The following PDE4D variants were observed in gnomAD, a reference collection of about 807,000 sequenced individuals.
PDE4D encodes the protein 3',5'-cyclic-AMP phosphodiesterase 4D.
Under a neutral mutation model 87.4 loss-of-function variants are expected in PDE4D, and 24 were observed. That is an observed-to-expected ratio of 0.27 (90% confidence interval 0.20 to 0.39). The LOEUF is 0.39. PDE4D is among the 10% of genes least tolerant of loss of function. The pLI, the probability that PDE4D is intolerant of heterozygous loss-of-function variation, is 1.00. For missense variants in PDE4D, 714 were observed against 1,041.0 expected, an observed-to-expected ratio of 0.69 and a Z score of 4.32; for synonymous variants, 384 against 383.2, an observed-to-expected ratio of 1.00 and a Z score of -0.02.
chr5:59,174,472 C>A (rs190480169), intron 5 of PDE4D: 8 of 152,712 alleles, frequency 5.2e-5, no homozygotes, highest in Admixed American at 5.2e-4. Context: ...TTTCACCGCT[C>A]CTGTAGAAGA....
At chr5:60,196,808 T>C (rs1741267508) in intron 1 of PDE4D, among the ~76,000 whole-genome samples, 1 of 151,628 alleles carries the variant, frequency 6.6e-6, no homozygotes, top group Non-Finnish European at 1.5e-5. Context: ...TTAATGTTTT[T>C]TTGTCCCATA....
At chr5:59,350,487 AC>A (rs1455151309) in intron 1 of PDE4D, among the ~76,000 whole-genome samples, 2 of 151,998 alleles carry the variant, frequency 1.3e-5, no homozygotes, top group African/African-American at 4.8e-5. Flanking sequence ...TTCAGCTCTA[AC>A]CCCCTCTTCC....
At chr5:60,481,309 A>AT (rs1305236175) in intron 1 of PDE4D, among the ~76,000 whole-genome samples, 1 of 152,072 alleles carries the variant, frequency 6.6e-6, no homozygotes, top group South Asian at 2.1e-4. Flanking sequence ...ATTTGGAGAG[A>AT]TTTTTTAAAT....
chr5:60,505,300 G>A (rs1197936816), intron 1 of PDE4D, among the ~76,000 whole-genome samples: 2 of 152,184 alleles, frequency 1.3e-5, no homozygotes, highest in Admixed American at 6.5e-5. Flanking sequence ...CAATTTGCAT[G>A]TTTGTTTCCA....
chr5:59,972,165 A>T (rs570618242), intron 3 of PDE4D, among the ~76,000 whole-genome samples: 8 of 152,278 alleles, frequency 5.3e-5, no homozygotes, highest in Admixed American at 5.2e-4. Flanking sequence ...GACTACATTG[A>T]GGTTATAGAC....
rs369975856 is a variant in PDE4D, at chr5:59,427,969, C to A, written c.456-212001G>T. Among the ~76,000 whole-genome samples the A allele has an allele frequency of 4.6e-5, 7 of 152,150 alleles. No homozygotes were observed. The East Asian group carries it at 1.3e-3, about 29-fold the overall frequency. On this transcript the variant is annotated intron_variant, in intron 1 of 14. Transcript: ENST00000340635. ...AATTAAAAGGAAAACATTTTTAAAT[C>A]GCAAATATAGAAAGTAATTATAATC...
At chr5:60,374,938 T>G (rs1761320800) in intron 1 of PDE4D, among the ~76,000 whole-genome samples, 1 of 152,166 alleles carries the variant, frequency 6.6e-6, no homozygotes, top group Non-Finnish European at 1.5e-5. Flanking sequence ...GTGCAACAAA[T>G]AAATGCTAAA....
At chr5:59,433,068 G>A (rs1481722995) in intron 1 of PDE4D, among the ~76,000 whole-genome samples, 1 of 152,096 alleles carries the variant, frequency 6.6e-6, no homozygotes, top group East Asian at 1.9e-4. Context: ...GCATAAAGAG[G>A]CTCTTTGGAC....
At chr5:58,994,817 T>C (rs961566187) in intron 6 of PDE4D, among the ~76,000 whole-genome samples, 1 of 152,070 alleles carries the variant, frequency 6.6e-6, no homozygotes, top group African/African-American at 2.4e-5. Flanking sequence ...CAATGGACTG[T>C]TGGATGAGAG....
intron 3 of PDE4D, among the ~76,000 whole-genome samples, chr5:59,912,839 A>G (rs1753601806): frequency 1.3e-5 from 2 of 152,230 alleles, no homozygotes; most frequent in African/African-American, 4.8e-5. Context: ...TAATAAATCT[A>G]AAAACAAACA....
At position 59,150,822 on chromosome 5, in the gene PDE4D, GAA is replaced by G. The variant is rs1244669423; in HGVS notation, c.808+29771_808+29772del. Among the ~76,000 whole-genome samples the G allele has an allele frequency of 7.3e-5, 11 of 151,686 alleles. No individual in the cohort carries two copies. In the East Asian group the frequency reaches 1.9e-3, roughly 27 times the overall value. On this transcript the variant is annotated intron_variant, in intron 5 of 14. Coordinates refer to ENST00000340635, the MANE Select transcript of PDE4D (RefSeq NM_001104631.2). ...GCAACTAAGGTAATTGGTGTCAAGA[GAA>G]AAAAAAATTTTTAAATCTACTGATG...
At chr5:60,279,637 GT>G (rs1257998122) in intron 1 of PDE4D, among the ~76,000 whole-genome samples, 1 of 150,172 alleles carries the variant, frequency 6.7e-6, no homozygotes, top group Non-Finnish European at 1.5e-5. Flanking sequence ...TGTTAAGAAT[GT>G]TTTTGCTTAC....
At chr5:60,048,091 G>A (rs1255368786) in intron 2 of PDE4D, among the ~76,000 whole-genome samples, 1 of 152,044 alleles carries the variant, frequency 6.6e-6, no homozygotes, top group East Asian at 1.9e-4. Context: ...AGCTCTTCTT[G>A]TTGAATTGAT....
chr5:59,379,724 AT>A (rs1785406411), intron 1 of PDE4D, among the ~76,000 whole-genome samples: 1 of 152,100 alleles, frequency 6.6e-6, no homozygotes, highest in South Asian at 2.1e-4. Flanking sequence ...TATTATAGGT[AT>A]TTTTACGGTG....
chr5:59,631,773 G>A (rs1831600566), intron 1 of PDE4D, among the ~76,000 whole-genome samples: 1 of 152,208 alleles, frequency 6.6e-6, no homozygotes, highest in Non-Finnish European at 1.5e-5. Flanking sequence ...ATTCTCTTGG[G>A]TGCCTATACC....
intron 1 of PDE4D, among the ~76,000 whole-genome samples, chr5:59,795,572 C>A (rs1228326929): frequency 6.6e-6 from 1 of 152,158 alleles, no homozygotes; most frequent in East Asian, 1.9e-4. Flanking sequence ...TATATATATA[C>A]TTCTACTATA....
chr5:59,918,900 C>G (rs888929308), intron 3 of PDE4D, among the ~76,000 whole-genome samples: 1 of 152,158 alleles, frequency 6.6e-6, no homozygotes. Context: ...ACTCCTGACC[C>G]TTGGAAACTG....
intron 1 of PDE4D, among the ~76,000 whole-genome samples, chr5:59,724,250 G>C (rs887567373): frequency 1.3e-5 from 2 of 152,080 alleles, no homozygotes; most frequent in Non-Finnish European, 2.9e-5. Context: ...GGCTACTTCT[G>C]GGATTATCTG....
chr5:59,531,492 A>G (rs1488517963), intron 1 of PDE4D, among the ~76,000 whole-genome samples: 1 of 152,202 alleles, frequency 6.6e-6, no homozygotes, highest in African/African-American at 2.4e-5. Context: ...TAGTGATTTA[A>G]CAATTAAAAT....
Sources: allele counts gnomAD v4.1 joint callset (sites outside exome capture counted in the v4.1 genomes callset), GRCh38; gene constraint gnomAD v4.1.1; transcripts MANE v1.5; gene names NCBI Gene and HGNC (gene_info 2026-07-23, HGNC 2026-07-21).